ADK: variants seen among roughly 807,000 people sequenced by gnomAD.
The protein encoded by ADK is N6,N6-dimethyladenosine kinase.
In ADK, 24 loss-of-function variants were observed where a neutral mutation model predicts 44.7. The ratio of observed to expected loss-of-function variants is 0.54; its 90% CI spans 0.39 to 0.76. ADK has a LOEUF of 0.76. Among genes scored for constraint, ADK ranks in the 30% least tolerant of loss-of-function variants. The probability of loss-of-function intolerance (pLI) is 0.00; values close to 1 mark genes in which losing one functional copy is unlikely to be tolerated. For synonymous variants in ADK, 128 were observed against 142.6 expected (o/e 0.90, Z 0.73); for missense variants, 321 against 425.1 (o/e 0.76, Z 2.15).
At chr10:74,649,050 C>T (rs1385240715) in intron 9 of ADK, among the ~76,000 whole-genome samples, 3 of 151,716 alleles carry the variant, frequency 2.0e-5, no homozygotes, top group Admixed American at 6.6e-5. Flanking sequence ...CGTGGTGGCA[C>T]GCAGCCTGTA....
rs4746217 is a variant in ADK at position 74,668,539 on chromosome 10, C to T, written c.878-1644C>T. On this transcript the variant is annotated intron_variant, in intron 9 of 10. Coordinates refer to ENST00000539909, the MANE Select transcript of ADK (RefSeq NM_006721.4). The stretch of plus-strand genomic sequence containing the variant: ...ATCACTTGAGGTCAGGAGTTCAAGA[C>T]GAGCCTGGCCAACATGGCAAAACCT... 5.1e-3 allele frequency among the ~76,000 whole-genome samples: 770 copies of T among 152,212 alleles called. 8 individuals carry two copies. The highest frequency in any genetic ancestry group is 0.018 in the African/African-American group (732 of 41,536).
chr10:74,215,308 T>C (rs915173908), intron 2 of ADK, among the ~76,000 whole-genome samples: 5 of 152,034 alleles, frequency 3.3e-5, no homozygotes, highest in African/African-American at 1.2e-4. Context: ...TGGTGGGAAG[T>C]TGGGTTATAG....
intron 1 of ADK, among the ~76,000 whole-genome samples, chr10:74,190,912 A>G (rs1842932114): frequency 6.6e-6 from 1 of 152,032 alleles, no homozygotes. Context: ...CTTTTTTTGA[A>G]TAAATGCTCC....
At chr10:74,151,450 T>C in intron 1 of ADK, 107 bp downstream of exon 1, 1 of 1,261,460 alleles carries the variant, frequency 7.9e-7, no homozygotes, top group Non-Finnish European at 1.1e-6. Flanking sequence ...CACTGCCAGC[T>C]TGGGGCCAAC....
intron 1 of ADK, among the ~76,000 whole-genome samples, chr10:74,171,526 G>C (rs1057132568): frequency 6.6e-6 from 1 of 152,046 alleles, no homozygotes; most frequent in Non-Finnish European, 1.5e-5. Context: ...TGCTTTTATA[G>C]GGCCAGACCA....
chr10:74,493,483 T>G (rs538528330), intron 6 of ADK, among the ~76,000 whole-genome samples: 7 of 151,232 alleles, frequency 4.6e-5, no homozygotes, highest in African/African-American at 1.7e-4. Flanking sequence ...TATAGAGAGA[T>G]ATATAGATAT....
chr10:74,554,995 T>G (rs1162679567), intron 7 of ADK, among the ~76,000 whole-genome samples: 2 of 152,122 alleles, frequency 1.3e-5, no homozygotes. Context: ...ATTTTAACTT[T>G]TAAAAAATAA....
intron 7 of ADK, among the ~76,000 whole-genome samples, chr10:74,584,637 G>A (rs1014061258): frequency 2.6e-5 from 4 of 152,056 alleles, no homozygotes; most frequent in Non-Finnish European, 4.4e-5. Flanking sequence ...ATACCACTCC[G>A]TTTAGGAGTT....
In ADK at chr10:74,689,249, A is replaced by AAAAT. The variant is rs751466168; in HGVS notation, c.964+19003_964+19006dup. ...GGGTGGCAGAGCAAGACTCTATCTC[A>AAAAT]AAATAAATAAATAAATAAATAAATA... On this transcript the variant is annotated intron_variant, in intron 10 of 10. Coordinates refer to ENST00000539909, the MANE Select transcript of ADK (RefSeq NM_006721.4). 1.9e-3 allele frequency among the ~76,000 whole-genome samples: 287 copies of AAAAT among 151,986 alleles called. 2 individuals are homozygous for AAAAT. Among genetic ancestry groups the AAAAT allele is most frequent in the South Asian group, 4.6e-3 (22 of 4,816 alleles).
At chr10:74,368,227 C>T (rs1218870780) in intron 4 of ADK, among the ~76,000 whole-genome samples, 3 of 152,042 alleles carry the variant, frequency 2.0e-5, no homozygotes, top group Non-Finnish European at 4.4e-5. Context: ...GCTTCTTCTG[C>T]CCCAGCTTCC....
chr10:74,365,994 C>A (rs1427237199), intron 4 of ADK, among the ~76,000 whole-genome samples: 2 of 152,134 alleles, frequency 1.3e-5, no homozygotes, highest in African/African-American at 4.8e-5. Context: ...TTTTCATGTG[C>A]CTGTTGCCCA....
chr10:74,565,428 T>TA (rs985465969), intron 7 of ADK, among the ~76,000 whole-genome samples: 5 of 152,140 alleles, frequency 3.3e-5, no homozygotes, highest in East Asian at 1.9e-4. Context: ...ATAATAATAA[T>TA]AAAAAAACCA....
At chr10:74,693,670 G>A (rs554276981) in intron 10 of ADK, among the ~76,000 whole-genome samples, 1 of 152,288 alleles carries the variant, frequency 6.6e-6, no homozygotes, top group South Asian at 2.1e-4. Flanking sequence ...GTAAGAGGAA[G>A]TTTCATTTGG....
chr10:74,450,148 A>T (rs755939122), intron 6 of ADK, among the ~76,000 whole-genome samples: 26 of 152,090 alleles, frequency 1.7e-4, no homozygotes, highest in Non-Finnish European at 3.1e-4. Flanking sequence ...CTCCACAAAA[A>T]ATTAAAAAAA....
chr10:74,560,675 A>T (rs1305311793), intron 7 of ADK, among the ~76,000 whole-genome samples: 3 of 152,214 alleles, frequency 2.0e-5, no homozygotes, highest in Non-Finnish European at 4.4e-5. Context: ...TGTGGCTAAA[A>T]TGTGTACATT....
intron 1 of ADK, among the ~76,000 whole-genome samples, chr10:74,162,858 G>C (rs530621187): frequency 6.6e-6 from 1 of 151,968 alleles, no homozygotes; most frequent in African/African-American, 2.4e-5. Context: ...TTGCGTTTCT[G>C]TTCTTTCTGG....
intron 3 of ADK, among the ~76,000 whole-genome samples, chr10:74,251,633 T>TA (rs1845654867): frequency 1.3e-5 from 2 of 152,186 alleles, no homozygotes; most frequent in African/African-American, 2.4e-5. Context: ...CCAAGATTGT[T>TA]ACAGCAAATA....
chr10:74,581,115 T>G (rs1361414400), intron 7 of ADK, among the ~76,000 whole-genome samples: 1 of 151,628 alleles, frequency 6.6e-6, no homozygotes, highest in African/African-American at 2.4e-5. Context: ...AGGAGAAATA[T>G]TAATAGAAAT....
intron 9 of ADK, among the ~76,000 whole-genome samples, chr10:74,669,501 C>G (rs1252248466): frequency 6.6e-6 from 1 of 152,224 alleles, no homozygotes; most frequent in East Asian, 1.9e-4. Flanking sequence ...CCAGACTACT[C>G]TAGGGCAAAA....
Sources: allele counts gnomAD v4.1 joint callset (sites outside exome capture counted in the v4.1 genomes callset), GRCh38; gene constraint gnomAD v4.1.1; transcripts MANE v1.5; gene names NCBI Gene and HGNC (gene_info 2026-07-23, HGNC 2026-07-21).